The following SLC26A5 variants were observed in gnomAD, a reference collection of about 807,000 sequenced individuals.
SLC26A5 encodes the protein solute carrier family 26 member 5.
SLC26A5 carries 51 observed loss-of-function variants against 81.0 expected under a neutral mutation model. The ratio of observed to expected loss-of-function variants is 0.63; its 90% CI spans 0.50 to 0.80. SLC26A5 has a LOEUF of 0.80. Ranked by LOEUF, SLC26A5 falls within the 30% of genes least tolerant of loss-of-function variation. The probability of loss-of-function intolerance (pLI) is 0.00; values close to 1 mark genes in which losing one functional copy is unlikely to be tolerated. For synonymous variants in SLC26A5, 325 were observed against 332.8 expected, an observed-to-expected ratio of 0.98 and a Z score of 0.25; for missense variants, 771 against 905.8, an observed-to-expected ratio of 0.85 and a Z score of 1.91.
chr7:103,376,966 A>G, intron 18 of SLC26A5, 104 bp from the exon 19 acceptor site: 2 of 751,592 alleles, frequency 2.7e-6, no homozygotes, highest in Non-Finnish European at 4.7e-6. Flanking sequence ...TAATTCATTC[A>G]CTTGAGCTAC....
At chr7:103,388,708 A>G (rs1822402752) in intron 14 of SLC26A5, 1 of 368,258 alleles carries the variant, frequency 2.7e-6, no homozygotes, top group East Asian at 6.8e-5. Context: ...TAAATAAACC[A>G]GCATAGCACT....
At chr7:103,364,947 T>C (rs1820613732) in intron 19 of SLC26A5, among the ~76,000 whole-genome samples, 1 of 80,622 alleles carries the variant, frequency 1.2e-5, no homozygotes, top group Non-Finnish European at 2.3e-5. Context: ...GTTTTTATGT[T>C]TGTAGACATA....
Position 103,364,426 on chromosome 7 carries a change from T to A in SLC26A5, c.2042-11500A>T, listed in dbSNP as rs1037372442. The A allele has an allele frequency of 1.8e-5, 21 of 1,139,574 alleles. No homozygotes were observed. The African/African-American group carries it at 3.1e-4, about 17-fold the overall frequency. The allele number at this position is 1,139,574 out of a possible 1,614,324, so 70.6% of individuals were successfully genotyped here. ...ACCTGAAATTTCTTTTTTCTTTTGT[T>A]GAGACAGAGTCTCATTGTGTTGCCC... On this transcript the variant is annotated intron_variant, in intron 19 of 19. Transcript: ENST00000339444.
At chr7:103,382,556 G>T (rs1821887318) in intron 14 of SLC26A5, among the ~76,000 whole-genome samples, 1 of 151,764 alleles carries the variant, frequency 6.6e-6, no homozygotes, top group South Asian at 2.1e-4. Context: ...CACCATGTTG[G>T]CCAGGCTGGT....
chr7:103,364,958 C>CATATATATAT lies in SLC26A5; in HGVS notation c.2041+11840_2041+11849dup, dbSNP rs59914167. ...GGTTGTTTTTATGTTTGTAGACATACATATATATATATATATATATATATA... is the reference window on the plus strand; with the variant it reads ...GGTTGTTTTTATGTTTGTAGACATACATATATATATATATATATATATATATATATATATA... On this transcript the variant is annotated intron_variant, in intron 19 of 19. Coordinates refer to the SLC26A5 transcript ENST00000339444. Among the ~76,000 whole-genome samples, 1,217 of 125,420 alleles carry CATATATATAT rather than the reference C, an allele frequency of 9.7e-3. 31 individuals are homozygous for CATATATATAT. The highest frequency in any genetic ancestry group is 0.076 in the East Asian group (303 of 3,982). 82.3% of individuals were successfully genotyped at this position (125,420 alleles called of 152,430 possible).
intron 2 of SLC26A5, among the ~76,000 whole-genome samples, chr7:103,432,462 T>A (rs933323087): frequency 6.6e-6 from 1 of 152,222 alleles, no homozygotes; most frequent in African/African-American, 2.4e-5. Context: ...AACTTCCAGT[T>A]TAATAATCTA....
intron 19 of SLC26A5, among the ~76,000 whole-genome samples, chr7:103,374,994 A>C (rs1368943706): frequency 6.8e-6 from 1 of 148,136 alleles, no homozygotes; most frequent in African/African-American, 2.5e-5. Flanking sequence ...CATATTTTAT[A>C]TATTTGGGGA....
At chr7:103,404,324 G>C (rs897435114) in intron 8 of SLC26A5, among the ~76,000 whole-genome samples, 1 of 152,124 alleles carries the variant, frequency 6.6e-6, no homozygotes, top group African/African-American at 2.4e-5. Context: ...GGCTGGTACC[G>C]GGTTTTCCTT....
chr7:103,441,235 G>A (rs1027911599), intron 2 of SLC26A5, among the ~76,000 whole-genome samples: 4 of 152,078 alleles, frequency 2.6e-5, no homozygotes, highest in Non-Finnish European at 4.4e-5. Flanking sequence ...CTCTCTTACC[G>A]ATTTGACAGT....
chr7:103,440,574 G>C (rs370278961), intron 2 of SLC26A5, among the ~76,000 whole-genome samples: 53 of 152,264 alleles, frequency 3.5e-4, no homozygotes, highest in East Asian at 1.5e-3. Context: ...TTAAGAAGTA[G>C]GTCAGGAATA....
intron 19 of SLC26A5, among the ~76,000 whole-genome samples, chr7:103,363,117 A>C (rs997702608): frequency 2.6e-5 from 4 of 152,066 alleles, no homozygotes; most frequent in Non-Finnish European, 5.9e-5. Context: ...ATATTTTTTG[A>C]GACAGAGTCT....
At chr7:103,363,187 C>T (rs1016475892) in intron 19 of SLC26A5, among the ~76,000 whole-genome samples, 13 of 152,198 alleles carry the variant, frequency 8.5e-5, no homozygotes, top group African/African-American at 2.9e-4. Flanking sequence ...CAAGTTAATA[C>T]AGCAAGTAGT....
At chr7:103,444,792 G>A (rs544482174) in intron 1 of SLC26A5, among the ~76,000 whole-genome samples, 1 of 152,182 alleles carries the variant, frequency 6.6e-6, no homozygotes, top group African/African-American at 2.4e-5. Context: ...ACCTTACCTA[G>A]GCAATTCTTC....
intron 10 of SLC26A5, among the ~76,000 whole-genome samples, chr7:103,392,711 G>T (rs1358462847): frequency 1.3e-5 from 2 of 152,162 alleles, no homozygotes; most frequent in Non-Finnish European, 2.9e-5. Flanking sequence ...CCGAGTAGCT[G>T]GGACTACAGG....
intron 2 of SLC26A5, among the ~76,000 whole-genome samples, chr7:103,442,012 T>C (rs1826915450): frequency 6.6e-6 from 1 of 152,238 alleles, no homozygotes; most frequent in African/African-American, 2.4e-5. Flanking sequence ...GAATCAGTTC[T>C]TAGCAATCAC....
chr7:103,360,022 A>C (rs2116206360), intron 19 of SLC26A5, among the ~76,000 whole-genome samples: 1 of 151,976 alleles, frequency 6.6e-6, no homozygotes. Flanking sequence ...CGGAAGTTGC[A>C]GTGAGTCAAG....
chr7:103,430,492 C>A (rs1400174389), intron 2 of SLC26A5, among the ~76,000 whole-genome samples: 1 of 143,984 alleles, frequency 6.9e-6, no homozygotes, highest in Non-Finnish European at 1.5e-5. Flanking sequence ...ATGACATAGA[C>A]CTCAATTCAA....
Position 103,421,460 on chromosome 7 carries a change from C to G in SLC26A5, c.55G>C (p.Glu19Gln), listed in dbSNP as rs774687085. The change falls in exon 3 of 20, where the codon GAA (glutamate) becomes CAA (glutamine). Residue 19 changes from glutamate (E) to glutamine (Q), a missense_variant. Physicochemically the swap from Glu to Gln is conservative, Grantham distance 29. Transcript: ENST00000306312. ...ACCGGATGACTAAAGATAGGCCTTT[C>G]CACATAGTACCTCTGGGTTGCTGCA... is the stretch of plus-strand genomic sequence containing the variant. ...ILAATQRYYV[E>Q]RPIFSHPVLQ... The G allele has an allele frequency of 3.1e-6, 5 of 1,614,014 alleles. No homozygotes were observed. Among genetic ancestry groups the G allele is most frequent in the Non-Finnish European group, 3.4e-6 (4 of 1,179,938 alleles).
At chr7:103,397,899 C>T in intron 9 of SLC26A5, 33 bp downstream of exon 9, 2 of 1,456,230 alleles carry the variant, frequency 1.4e-6, no homozygotes, top group Non-Finnish European at 1.9e-6. Context: ...TTGATTATTT[C>T]AGTCACACAG....
Sources: allele counts gnomAD v4.1 joint callset (sites outside exome capture counted in the v4.1 genomes callset), GRCh38; gene constraint gnomAD v4.1.1; transcripts MANE v1.5; gene names NCBI Gene and HGNC (gene_info 2026-07-23, HGNC 2026-07-21).